Variants in C22orf31 observed in about 807,000 individuals in gnomAD.
C22orf31 encodes the protein uncharacterized protein C22orf31.
C22orf31 carries 11 observed loss-of-function variants against 15.0 expected under a neutral mutation model. The ratio of observed to expected loss-of-function variants is 0.73; its 90% CI spans 0.46 to 1.21. The LOEUF (loss-of-function observed/expected upper bound fraction) is 1.21, where lower values mean the gene tolerates loss of function less well. Ranked by LOEUF, C22orf31 falls within the 50% of genes most tolerant of loss-of-function variation. The probability of loss-of-function intolerance (pLI) is 0.00; values close to 1 mark genes in which losing one functional copy is unlikely to be tolerated. For synonymous variants in C22orf31, 132 were observed against 133.3 expected, an observed-to-expected ratio of 0.99 and a Z score of 0.07; for missense variants, 340 against 347.2, an observed-to-expected ratio of 0.98 and a Z score of 0.17.
chr22:29,065,231 T>C (rs994593294), upstream of C22orf31, among the ~76,000 whole-genome samples: 2 of 152,210 alleles, frequency 1.3e-5, no homozygotes, highest in African/African-American at 4.8e-5. Context: ...GTCTAAGTGA[T>C]GTAATGCAAC....
chr22:29,070,313 A>G, the C22orf31 span, among the ~76,000 whole-genome samples: 1 of 152,212 alleles, frequency 6.6e-6, no homozygotes, highest in Non-Finnish European at 1.5e-5. Flanking sequence ...TGTCATGCCA[A>G]TTATATGGCT....
chr22:29,066,539 C>CTTTTTTTTTTTT (rs134565), upstream of C22orf31, among the ~76,000 whole-genome samples: 101 of 70,234 alleles, frequency 1.4e-3, 10 homozygotes, highest in Admixed American at 1.9e-3. Context: ...CTTTTCTTTT[C>CTTTTTTTTTTTT]TTTTTTTTTT....
chr22:29,060,795 G>A lies in C22orf31; in HGVS notation c.52C>T (p.Arg18Ter), dbSNP rs146955915. 2.3e-5 allele frequency: 37 copies of A among 1,613,610 alleles called. No individual in the cohort carries two copies. The African/African-American group carries it at 2.7e-4, about 12-fold the overall frequency. Residue 18 changes from arginine (R) to a stop codon, truncating the protein, a stop_gained, in exon 2 of 3, where the codon CGA (arginine) becomes TGA (stop). Transcript: ENST00000216071. LOFTEE classifies it high-confidence loss of function. ...RDPSIPIYGL[R>*]QSILLNTRLQ... is the part of the protein sequence containing the mutation. Reference sequence around the variant, plus strand: ...CTGGTATTTAATAAGATGGACTGTCGGAGTCCATAGATAGGGATGCTGGGG... The same window carrying A: ...CTGGTATTTAATAAGATGGACTGTCAGAGTCCATAGATAGGGATGCTGGGG...
chr22:29,061,492 C>T (rs1160705369), intron 1 of C22orf31, among the ~76,000 whole-genome samples: 1 of 152,084 alleles, frequency 6.6e-6, no homozygotes, highest in Admixed American at 6.5e-5. Flanking sequence ...CCTCGAACTC[C>T]CCACCTCAGA....
chr22:29,062,870 G>A (rs1296838757), upstream of C22orf31, among the ~76,000 whole-genome samples: 3 of 152,086 alleles, frequency 2.0e-5, no homozygotes, highest in African/African-American at 7.2e-5. Context: ...TTAGAGCAGG[G>A]CTTTGGAAAG....
upstream of C22orf31, among the ~76,000 whole-genome samples, chr22:29,063,713 A>G (rs747532984): frequency 1.5e-4 from 23 of 152,198 alleles, no homozygotes; most frequent in Non-Finnish European, 3.1e-4. Flanking sequence ...TAGCCACTTT[A>G]TTAGCATCAT....
At chr22:29,073,259 T>A in the C22orf31 span, 1 of 1,007,962 alleles carries the variant, frequency 9.9e-7, no homozygotes. This position sits in a 1 kb window ranked among gnomAD's most constrained non-coding sequence, Gnocchi z 4.4. Context: ...CCGCCCGCCC[T>A]GAGCGGAGCC....
At chr22:29,061,766 T>C in intron 1 of C22orf31, 24 bp downstream of exon 1, 1 of 1,514,302 alleles carries the variant, frequency 6.6e-7, no homozygotes. Flanking sequence ...AGAAATGTCA[T>C]CTATAGAAAT....
the C22orf31 span, among the ~76,000 whole-genome samples, chr22:29,069,602 G>A: frequency 7.9e-5 from 12 of 152,266 alleles, no homozygotes; most frequent in Admixed American, 2.6e-4. Context: ...TGAGTATCCC[G>A]GGTTGCTCTC....
At chr22:29,071,992 A>G in the C22orf31 span, among the ~76,000 whole-genome samples, 1 of 152,204 alleles carries the variant, frequency 6.6e-6, no homozygotes, top group Non-Finnish European at 1.5e-5. Flanking sequence ...AGATCAGGAA[A>G]GTTGCCCTGG....
At chr22:29,069,811 T>C in the C22orf31 span, among the ~76,000 whole-genome samples, 1 of 152,036 alleles carries the variant, frequency 6.6e-6, no homozygotes, top group Non-Finnish European at 1.5e-5. Context: ...TGCACACAAA[T>C]TTCTGAGTCC....
the C22orf31 span, among the ~76,000 whole-genome samples, chr22:29,071,425 C>A: frequency 6.7e-6 from 1 of 149,680 alleles, no homozygotes; most frequent in Non-Finnish European, 1.5e-5. Flanking sequence ...GGTACGCGGG[C>A]TCTGGGAGTG....
the C22orf31 span, among the ~76,000 whole-genome samples, chr22:29,068,827 C>T: frequency 8.5e-5 from 12 of 140,482 alleles, no homozygotes; most frequent in African/African-American, 2.4e-4. Flanking sequence ...GGCAGTGACA[C>T]GATCTCGGCT....
At chr22:29,071,422 G>A in the C22orf31 span, among the ~76,000 whole-genome samples, 1 of 151,942 alleles carries the variant, frequency 6.6e-6, no homozygotes, top group Non-Finnish European at 1.5e-5. Flanking sequence ...GGGGGTACGC[G>A]GGCTCTGGGA....
At chr22:29,072,839 G>A in the C22orf31 span, among the ~76,000 whole-genome samples, 1 of 152,132 alleles carries the variant, frequency 6.6e-6, no homozygotes, top group East Asian at 1.9e-4. Flanking sequence ...GCCGGCCCAG[G>A]TGAGGCGAGA....
At chr22:29,060,021 CTT>C (rs60208241) in intron 2 of C22orf31, 80,467 of 532,556 alleles carry the variant, frequency 0.15, 1,091 homozygotes, top group African/African-American at 0.23. Flanking sequence ...TTTTTCTTTT[CTT>C]TTTTTTTTTT....
At position 29,060,444 on chromosome 22, in the gene C22orf31, G is replaced by A; in HGVS notation, c.403C>T (p.His135Tyr). Residue 135 changes from histidine to tyrosine, a missense_variant, in exon 2 of 3, where the codon CAT becomes TAT. By Grantham distance (83) the His-to-Tyr change is moderately conservative (BLOSUM62 2). Transcript: ENST00000216071. The stretch of plus-strand genomic sequence containing the variant: ...CTGATGCCTCCTGCAGGCCTCCTAT[G>A]CCCTGCTGGCTGCTTGCTCTTGGAA... ...ISSKSKQPAG[H>Y]RRPAGGIRES... 3 of 1,613,572 alleles carry A rather than the reference G, an allele frequency of 1.9e-6. No individual in the cohort carries two copies. The highest frequency in any genetic ancestry group is 2.5e-6 in the Non-Finnish European group (3 of 1,179,934).
At chr22:29,059,410 G>C (rs2037357688) in intron 2 of C22orf31, among the ~76,000 whole-genome samples, 1 of 152,160 alleles carries the variant, frequency 6.6e-6, no homozygotes, top group Admixed American at 6.5e-5. Context: ...GAATTGGTTT[G>C]CCCAAGGCCA....
the C22orf31 span, among the ~76,000 whole-genome samples, chr22:29,073,892 C>T: frequency 6.6e-6 from 1 of 152,180 alleles, no homozygotes; most frequent in Admixed American, 6.5e-5. The surrounding 1 kb of genome is among the most constrained non-coding windows in gnomAD (Gnocchi z 4.4). Flanking sequence ...ACCGGGACGA[C>T]TCCCCCGCTA....
Sources: gnomAD v4.1 joint callset for allele counts (sites outside exome capture counted in the v4.1 genomes callset) on GRCh38, gnomAD v4.1.1 for gene constraint, Gnocchi (gnomAD v3.1) non-coding constraint, MANE v1.5 for transcripts, NCBI Gene and HGNC (gene_info 2026-07-23, HGNC 2026-07-21) for gene names.